PRKG1: variants seen among roughly 807,000 people sequenced by gnomAD.
The protein encoded by PRKG1 is cGMP-dependent protein kinase 1.
Under a neutral mutation model 88.1 loss-of-function variants are expected in PRKG1, and 35 were observed. The observed-to-expected ratio is 0.40, with a 90% CI of 0.30 to 0.53. The LOEUF is 0.53. Among genes scored for constraint, PRKG1 ranks in the 20% least tolerant of loss-of-function variants. The pLI is 0.59. For missense variants in PRKG1, 540 were observed against 839.8 expected, an observed-to-expected ratio of 0.64 and a Z score of 4.41; for synonymous variants, 303 against 292.5, an observed-to-expected ratio of 1.04 and a Z score of -0.37.
chr10:51,926,750 G>GTTTTTTTTTT (rs11324214), intron 5 of PRKG1, among the ~76,000 whole-genome samples: 1 of 141,292 alleles, frequency 7.1e-6, no homozygotes. Flanking sequence ...GCCTAGCATA[G>GTTTTTTTTTT]TTTTTTTTTT....
At chr10:51,556,284 T>A (rs1215012630) in intron 3 of PRKG1, among the ~76,000 whole-genome samples, 2 of 152,072 alleles carry the variant, frequency 1.3e-5, no homozygotes, top group African/African-American at 2.4e-5. Context: ...ATTTGAAAGA[T>A]GTAATTTAAA....
intron 5 of PRKG1, among the ~76,000 whole-genome samples, chr10:52,022,706 A>T (rs1222136601): frequency 6.6e-6 from 1 of 152,196 alleles, no homozygotes; most frequent in African/African-American, 2.4e-5. Flanking sequence ...GAAAAAGAAT[A>T]ATAATCCAAA....
chr10:51,170,172 T>C (rs1254138649), intron 2 of PRKG1, among the ~76,000 whole-genome samples: 1 of 152,124 alleles, frequency 6.6e-6, no homozygotes, highest in Non-Finnish European at 1.5e-5. Context: ...TGTTAATTCA[T>C]GAAATGCTTA....
chr10:51,967,660 T>A (rs149535994), intron 5 of PRKG1, among the ~76,000 whole-genome samples: 12 of 152,316 alleles, frequency 7.9e-5, no homozygotes, highest in African/African-American at 2.9e-4. Context: ...TTCAGTATTG[T>A]TGACTTCACA....
In PRKG1 at chr10:51,088,392, G is replaced by GTT. The variant is rs35801594; in HGVS notation, c.311+13506_311+13507dup. On this transcript the variant is annotated intron_variant, in intron 1 of 17. Transcript: ENST00000373980. ...AAAAATTTCTATGGATTGGTTTTCA[G>GTT]TTTTTTTTTTTTTTTTGGTTCAATC... Among the ~76,000 whole-genome samples, 483 of 138,364 alleles carry GTT rather than the reference G, an allele frequency of 3.5e-3. 3 individuals carry two copies. The highest frequency in any genetic ancestry group is 8.2e-3 in the East Asian group (40 of 4,872). The allele number at this position is 138,364 out of a possible 152,430, so 90.8% of individuals were successfully genotyped here.
rs78306842 is a variant in PRKG1, at chr10:51,818,382, C to T, written c.698+13692C>T. Among the ~76,000 whole-genome samples the T allele has an allele frequency of 6.1e-4, 93 of 151,852 alleles. No individual in the cohort carries two copies. The East Asian group carries it at 0.016, about 25-fold the overall frequency. ...ACAGTTTCTACTTAACTTCGAAGCC[C>T]CATAATATAGACAAGAGATACTCTG... On this transcript the variant is annotated intron_variant, in intron 4 of 17. Transcript: ENST00000373980.
chr10:52,285,669 G>C (rs1200834072), intron 14 of PRKG1, among the ~76,000 whole-genome samples: 2 of 152,080 alleles, frequency 1.3e-5, no homozygotes, highest in East Asian at 3.9e-4. Context: ...ATAGGAGGAA[G>C]TGTTTAGATA....
intron 17 of PRKG1, among the ~76,000 whole-genome samples, chr10:52,290,537 A>G (rs1274732975): frequency 6.6e-6 from 1 of 152,182 alleles, no homozygotes; most frequent in East Asian, 1.9e-4. Context: ...AGTTTCCCTC[A>G]TTTATGAACA....
intron 1 of PRKG1, among the ~76,000 whole-genome samples, chr10:51,063,464 GTATCTAAACA>G (rs1161435444): frequency 6.6e-6 from 1 of 152,216 alleles, no homozygotes; most frequent in Admixed American, 6.5e-5. Context: ...TGGTATTTGT[GTATCTAAACA>G]TATCTAAACA....
chr10:51,706,495 G>A (rs946606843), intron 3 of PRKG1, among the ~76,000 whole-genome samples: 2 of 151,952 alleles, frequency 1.3e-5, no homozygotes, highest in South Asian at 2.1e-4. Flanking sequence ...TCCCTGGAAG[G>A]GATTGCGAAG....
chr10:51,570,194 C>T (rs114311703), intron 3 of PRKG1, among the ~76,000 whole-genome samples: 13 of 151,172 alleles, frequency 8.6e-5, no homozygotes, highest in South Asian at 4.2e-4. Flanking sequence ...TCTGTCCCCC[C>T]GCACAGCCCG....
chr10:51,732,479 C>T (rs769653050), intron 3 of PRKG1, among the ~76,000 whole-genome samples: 21 of 152,124 alleles, frequency 1.4e-4, no homozygotes, highest in South Asian at 8.3e-4. Context: ...AAATCCACGA[C>T]AAAAACAGAA....
At chr10:51,074,348 G>C, upstream of PRKG1, 1 of 990,864 alleles carries the variant, frequency 1.0e-6, no homozygotes. Flanking sequence ...TGGACCTGCT[G>C]GTTTGCTCTC....
chr10:51,560,708 A>G (rs966303443), intron 3 of PRKG1, among the ~76,000 whole-genome samples: 3 of 152,034 alleles, frequency 2.0e-5, no homozygotes, highest in African/African-American at 7.2e-5. Flanking sequence ...ATATATAATT[A>G]ATTGATTGTT....
intron 3 of PRKG1, among the ~76,000 whole-genome samples, chr10:51,477,011 G>T (rs534711521): frequency 3.5e-4 from 53 of 151,926 alleles, no homozygotes; most frequent in African/African-American, 1.2e-3. Flanking sequence ...GTTTTAAGGA[G>T]CTTAAGAAAC....
intron 9 of PRKG1, among the ~76,000 whole-genome samples, chr10:52,164,580 A>C (rs944485308): frequency 6.6e-6 from 1 of 152,128 alleles, no homozygotes; most frequent in Non-Finnish European, 1.5e-5. Flanking sequence ...CATTCATAAA[A>C]ATATTTTTAA....
chr10:51,246,872 A>G (rs1255183809), intron 2 of PRKG1, among the ~76,000 whole-genome samples: 2 of 151,974 alleles, frequency 1.3e-5, no homozygotes, highest in African/African-American at 4.8e-5. Context: ...TCAGAAGAAC[A>G]TGTACCTTGG....
At chr10:52,152,427 TCA>T (rs1352028696) in intron 8 of PRKG1, among the ~76,000 whole-genome samples, 2 of 152,052 alleles carry the variant, frequency 1.3e-5, no homozygotes, top group Non-Finnish European at 2.9e-5. Flanking sequence ...TGAGTTAAAA[TCA>T]CAGAGTGACA....
rs1400188449 is a variant in PRKG1 at position 52,294,179 on chromosome 10, C to G, written c.*279C>G. The G allele has an allele frequency of 3.1e-6, 1 of 319,214 alleles. No homozygotes were observed. Among genetic ancestry groups the G allele is most frequent in the African/African-American group, 2.1e-5 (1 of 46,964 alleles). The allele number at this position is 319,214 out of a possible 1,614,324, so 19.8% of individuals were successfully genotyped here. ...AGATGTTTTCTATTGTTGCAATGAC[C>G]TTGCTTTGCTCTGATTATAATTTGA... On this transcript the variant is annotated 3_prime_UTR_variant, in exon 18 of 18. Coordinates refer to ENST00000373980, the MANE Select transcript of PRKG1 (RefSeq NM_006258.4).
Sources: gnomAD v4.1 joint callset for allele counts (sites outside exome capture counted in the v4.1 genomes callset) on GRCh38, gnomAD v4.1.1 for gene constraint, MANE v1.5 for transcripts, NCBI Gene and HGNC (gene_info 2026-07-23, HGNC 2026-07-21) for gene names.